Variants in UBXN4 observed in about 807,000 individuals in gnomAD.
UBXN4 encodes UBX domain protein 4.
A neutral mutation model predicts 66.2 loss-of-function variants in UBXN4; 35 were observed. The ratio of observed to expected loss-of-function variants is 0.53; its 90% confidence interval spans 0.40 to 0.70. The LOEUF is 0.70. Among genes scored for constraint, UBXN4 ranks in the 30% least tolerant of loss-of-function variants. The pLI, the probability that UBXN4 is intolerant of heterozygous loss-of-function variation, is 0.00. For missense variants in UBXN4, 533 were observed against 599.8 expected (o/e 0.89, Z 1.16); for synonymous variants, 203 against 204.5 (o/e 0.99, Z 0.06).
chr2:135,746,937 A>G (rs2077210588), intron 1 of UBXN4, among the ~76,000 whole-genome samples: 1 of 152,076 alleles, frequency 6.6e-6, no homozygotes, highest in African/African-American at 2.4e-5. Context: ...AGGAAGACCA[A>G]TTTGGAGGCT....
Position 135,783,026 on chromosome 2 carries a change from G to A in UBXN4, c.*139G>A. 2.3e-6 allele frequency: 2 copies of A among 874,468 alleles called. No individual in the cohort carries two copies. The highest frequency in any genetic ancestry group is 2.1e-5 in the South Asian group (1 of 47,432). The allele number at this position is 874,468 out of a possible 1,614,324, so 54.2% of individuals were successfully genotyped here. A position where few individuals can be genotyped will look rare whatever the true frequency, so the allele number is the denominator to read the frequency against. ...CTCTTTATTCCTGCTTAGTGGGTGT[G>A]GGTTGAAGGTGTTTAACTCAGAAAA... On this transcript the variant is annotated 3_prime_UTR_variant, in exon 13 of 13. Transcript: ENST00000272638.
At chr2:135,743,820 A>C (rs1411278416) in intron 1 of UBXN4, among the ~76,000 whole-genome samples, 1 of 152,022 alleles carries the variant, frequency 6.6e-6, no homozygotes, top group Non-Finnish European at 1.5e-5. Flanking sequence ...AAATTATTGG[A>C]ATAGTTAAAT....
At chr2:135,757,777 T>TA (rs200242078) in intron 5 of UBXN4, among the ~76,000 whole-genome samples, 3 of 151,764 alleles carry the variant, frequency 2.0e-5, no homozygotes, top group African/African-American at 7.3e-5. Flanking sequence ...TTTTTTAGCT[T>TA]AAAAAAAATT....
intron 7 of UBXN4, 42 bp downstream of exon 7, chr2:135,769,865 C>CG (rs772502837): frequency 6.8e-7 from 1 of 1,480,728 alleles, no homozygotes; most frequent in Admixed American, 2.2e-5. Context: ...CTCTCATTAA[C>CG]TGAGGTTGTG....
chr2:135,747,428 C>T (rs891654744), intron 1 of UBXN4, among the ~76,000 whole-genome samples: 1 of 151,144 alleles, frequency 6.6e-6, no homozygotes, highest in African/African-American at 2.4e-5. Flanking sequence ...TCAAGGTAGC[C>T]ACTATACTGA....
intron 5 of UBXN4, among the ~76,000 whole-genome samples, chr2:135,757,401 A>T (rs2077285083): frequency 6.6e-6 from 1 of 152,208 alleles, no homozygotes; most frequent in African/African-American, 2.4e-5. Context: ...AAGTTACAGA[A>T]GTTGTGCAGA....
chr2:135,777,133 A>G (rs1233690961), intron 10 of UBXN4, among the ~76,000 whole-genome samples: 1 of 152,318 alleles, frequency 6.6e-6, no homozygotes, highest in South Asian at 2.1e-4. Flanking sequence ...TCAGGAATTT[A>G]CTTCCAAAAG....
Position 135,772,332 on chromosome 2 carries a change from A to G in UBXN4, c.823-88A>G, listed in dbSNP as rs2077388046. 5 of 1,522,706 alleles carry G rather than the reference A, an allele frequency of 3.3e-6. No individual in the cohort carries two copies. The Admixed American group carries it at 1.0e-4, about 31-fold the overall frequency. The allele number at this position is 1,522,706 out of a possible 1,614,324, so 94.3% of individuals were successfully genotyped here. ...AGCAAGACCCTGTCTCTTAATAAAA[A>G]AAAAAAATTCCATGCATATTTGTTT... On this transcript the variant is annotated intron_variant, in intron 8 of 12. Transcript: ENST00000272638.
intron 6 of UBXN4, among the ~76,000 whole-genome samples, chr2:135,762,769 A>ACAGTGGTGAG (rs1186294322): frequency 4.0e-4 from 61 of 152,334 alleles, no homozygotes; most frequent in Non-Finnish European, 7.6e-4. Flanking sequence ...GTATAAGCCT[A>ACAGTGGTGAG]GAAGAATAGC....
At chr2:135,748,407 T>G (rs766522547) in intron 2 of UBXN4, 38 bp downstream of exon 2, 47 of 1,411,532 alleles carry the variant, frequency 3.3e-5, no homozygotes, top group Non-Finnish European at 4.2e-5. Flanking sequence ...ATTTTAAAAT[T>G]TATAAGTATT....
chr2:135,775,897 A>G (rs1222040977), intron 9 of UBXN4, among the ~76,000 whole-genome samples: 1 of 152,124 alleles, frequency 6.6e-6, no homozygotes, highest in Non-Finnish European at 1.5e-5. Flanking sequence ...CTTCCTGAGT[A>G]GCTGGGATTA....
At position 135,766,978 on chromosome 2, in the gene UBXN4, A is replaced by G. The variant is rs76545339; in HGVS notation, c.603-2791A>G. Among the ~76,000 whole-genome samples the G allele has an allele frequency of 1.8e-4, 27 of 152,042 alleles. No homozygotes were observed. In the East Asian group the frequency reaches 4.6e-3, roughly 26 times the overall value. On this transcript the variant is annotated intron_variant, in intron 6 of 12. Transcript: ENST00000272638. ...CTTCTGTAGAGAAATGCTTTGATCT[A>G]CCCCCTCTACTTTCCATCTGCCCAC...
chr2:135,776,448 T>A, intron 10 of UBXN4, 97 bp downstream of exon 10: 1 of 1,051,350 alleles, frequency 9.5e-7, no homozygotes, highest in Non-Finnish European at 1.4e-6. Flanking sequence ...GTGAGTGAAT[T>A]GTGACCTCTC....
intron 10 of UBXN4, among the ~76,000 whole-genome samples, chr2:135,777,405 C>A (rs2077422743): frequency 6.6e-6 from 1 of 152,178 alleles, no homozygotes; most frequent in South Asian, 2.1e-4. Flanking sequence ...CTAGGCTGGA[C>A]AATGTAAACG....
chr2:135,768,598 C>T (rs2077361756), intron 6 of UBXN4, among the ~76,000 whole-genome samples: 1 of 147,948 alleles, frequency 6.8e-6, no homozygotes, highest in Non-Finnish European at 1.5e-5. Flanking sequence ...CGGAGTCTCA[C>T]TCTCGCCCAG....
intron 6 of UBXN4, among the ~76,000 whole-genome samples, chr2:135,769,076 C>T (rs1050467926): frequency 3.9e-5 from 6 of 152,058 alleles, no homozygotes; most frequent in Non-Finnish European, 7.4e-5. Flanking sequence ...GAACGTGACT[C>T]GCTGCAGCCT....
chr2:135,744,856 A>G (rs1241240300), intron 1 of UBXN4, among the ~76,000 whole-genome samples: 1 of 152,180 alleles, frequency 6.6e-6, no homozygotes, highest in Non-Finnish European at 1.5e-5. Flanking sequence ...AGTATTAGGA[A>G]AGTTGTCATT....
rs140973089 is a variant in UBXN4, at chr2:135,780,370, G to C, written c.1373G>C (p.Ser458Thr). Residue 458 changes from serine to threonine, a missense_variant, in exon 12 of 13, where the codon AGC becomes ACC. This residue lies in a region of UBXN4 where 529 missense variants were observed against 580.1 expected (regional missense o/e 0.91). Transcript: ENST00000272638. ...GAACCCCCAAACCCTGCATCATCTAGCAAATCAGAAAAAAGGTATCTGTGT... is the reference window on the plus strand; with the variant it reads ...GAACCCCCAAACCCTGCATCATCTACCAAATCAGAAAAAAGGTATCTGTGT... ...SSEPPNPASS[S>T]KSEKREPVRK... The C allele has an allele frequency of 1.7e-4, 280 of 1,613,886 alleles. 2 individuals carry two copies. The African/African-American group carries it at 3.1e-3, about 18-fold the overall frequency.
In UBXN4 at chr2:135,780,196, C is replaced by T. The variant is rs748440304; in HGVS notation, c.1199C>T (p.Thr400Ile). The change falls in exon 12 of 13, where the codon ACT becomes ATT. Residue 400 changes from threonine (T) to isoleucine (I), a missense_variant. Thr to Ile is a moderately conservative substitution (Grantham distance 89). This residue lies in a region of UBXN4 where 529 missense variants were observed against 580.1 expected (regional missense o/e 0.91). Coordinates refer to ENST00000272638, the MANE Select transcript of UBXN4 (RefSeq NM_014607.4). Reference protein sequence around the residue: ...SVVLLPAGRPTASIVHSSSGD... With the variant: ...SVVLLPAGRPIASIVHSSSGD... ...ATTAATTTCTAGGCAGGAAGACCAA[C>T]TGCATCCATTGTACACTCTTCCAGC... 1.9e-6 allele frequency: 3 copies of T among 1,614,054 alleles called. No individual in the cohort carries two copies. The highest frequency in any genetic ancestry group is 2.5e-6 in the Non-Finnish European group (3 of 1,179,988).
Sources: allele counts gnomAD v4.1 joint callset (sites outside exome capture counted in the v4.1 genomes callset), GRCh38; gene constraint gnomAD v4.1.1; regional missense constraint gnomAD v4.1.1; transcripts MANE v1.5; gene names NCBI Gene and HGNC (gene_info 2026-07-23, HGNC 2026-07-21).